SEMA4D: variants seen among roughly 807,000 people sequenced by gnomAD.
SEMA4D encodes semaphorin-4D.
A neutral mutation model predicts 74.8 loss-of-function variants in SEMA4D; 22 were observed. That is an observed-to-expected ratio of 0.29 (90% CI 0.21 to 0.42). SEMA4D has a LOEUF of 0.42. SEMA4D is among the 10% of genes least tolerant of loss of function. The pLI is 1.00. For missense variants in SEMA4D, 937 were observed against 1,118.4 expected, an observed-to-expected ratio of 0.84 and a Z score of 2.31; for synonymous variants, 445 against 463.7, an observed-to-expected ratio of 0.96 and a Z score of 0.52.
chr9:89,375,495 T>C (rs531387939), downstream of SEMA4D, among the ~76,000 whole-genome samples: 3 of 152,322 alleles, frequency 2.0e-5, no homozygotes, highest in African/African-American at 7.2e-5. Flanking sequence ...CACCTGGGGC[T>C]CTCAGAGCTT....
At chr9:89,471,504 A>ACAT (rs1294596698) in intron 1 of SEMA4D, among the ~76,000 whole-genome samples, 1 of 152,342 alleles carries the variant, frequency 6.6e-6, no homozygotes, top group South Asian at 2.1e-4. Flanking sequence ...TCTCCAGATA[A>ACAT]CATCACTGTC....
intron 1 of SEMA4D, chr9:89,472,138 TAAAA>T: frequency 5.5e-6 from 1 of 182,466 alleles, no homozygotes; most frequent in Non-Finnish European, 1.1e-5. Context: ...CTTCTGACTT[TAAAA>T]GAGTCATGCT....
At chr9:89,365,830 G>A (rs1386479783) in intron 16 of SEMA4D, among the ~76,000 whole-genome samples, 2 of 152,184 alleles carry the variant, frequency 1.3e-5, no homozygotes, top group East Asian at 1.9e-4. Flanking sequence ...GGCACATGCT[G>A]GACTTTTGAA....
At chr9:89,486,317 T>C (rs1383566914) in intron 1 of SEMA4D, among the ~76,000 whole-genome samples, 1 of 152,120 alleles carries the variant, frequency 6.6e-6, no homozygotes, top group East Asian at 1.9e-4. Context: ...GGTTGCTAGG[T>C]CTGGGGAAAG....
intron 11 of SEMA4D, 116 bp from the exon 12 acceptor site, chr9:89,387,724 G>A: frequency 2.5e-6 from 2 of 785,918 alleles, no homozygotes; most frequent in Non-Finnish European, 4.3e-6. Flanking sequence ...CACAATGCAT[G>A]CCTTGAAATG....
chr9:89,410,953 C>G (rs960443846), intron 2 of SEMA4D, among the ~76,000 whole-genome samples: 2 of 152,220 alleles, frequency 1.3e-5, no homozygotes, highest in African/African-American at 2.4e-5. Context: ...AACACTGCTT[C>G]AAACCTACAA....
At position 89,378,629 on chromosome 9, in the gene SEMA4D, G is replaced by C; in HGVS notation, c.*75C>G. 1.7e-6 allele frequency: 2 copies of C among 1,168,738 alleles called. No homozygotes were observed. The highest frequency in any genetic ancestry group is 2.5e-6 in the Non-Finnish European group (2 of 796,098). 72.4% of individuals were successfully genotyped at this position (1,168,738 alleles called of 1,614,324 possible). ...CAGCACTGCACGAGACTCGGATACT[G>C]AACAGGAGAAACACAAAACTCTCCA... is the stretch of plus-strand genomic sequence containing the variant. On this transcript the variant is annotated 3_prime_UTR_variant, in exon 16 of 16. Coordinates refer to ENST00000422704, the MANE Select transcript of SEMA4D (RefSeq NM_001371194.2).
In SEMA4D at chr9:89,381,043, G is replaced by A. The variant is rs1192819096; in HGVS notation, c.1663+12C>T. The A allele has an allele frequency of 2.5e-6, 4 of 1,613,948 alleles. No individual in the cohort carries two copies. Among genetic ancestry groups the A allele is most frequent in the Non-Finnish European group, 3.4e-6 (4 of 1,180,030 alleles). On this transcript the variant is annotated intron_variant, in intron 15 of 15. Transcript: ENST00000422704. This position sits in a 1 kb window ranked among gnomAD's most constrained non-coding sequence, Gnocchi z 4.6. Reference sequence around the variant, plus strand: ...ACTCCCAAAGGAAATGGGACGTCGAGGAGTCACTCACCCGGGCACACAGAA... The same window carrying A: ...ACTCCCAAAGGAAATGGGACGTCGAAGAGTCACTCACCCGGGCACACAGAA...
At chr9:89,416,500 G>T (rs539324566) in intron 2 of SEMA4D, among the ~76,000 whole-genome samples, 39 of 152,102 alleles carry the variant, frequency 2.6e-4, no homozygotes, top group Non-Finnish European at 4.0e-4. Flanking sequence ...CAGAGGATGC[G>T]TCAGTCTACA....
chr9:89,427,819 C>T (rs1031857663), intron 2 of SEMA4D, among the ~76,000 whole-genome samples: 4 of 152,228 alleles, frequency 2.6e-5, no homozygotes, highest in Admixed American at 1.3e-4. Context: ...ATGTGTGCGA[C>T]GTGGCGGGTC....
chr9:89,460,599 C>T (rs530695099), intron 1 of SEMA4D, among the ~76,000 whole-genome samples: 1 of 152,228 alleles, frequency 6.6e-6, no homozygotes, highest in African/African-American at 2.4e-5. Context: ...ACATGTTTAA[C>T]CGAGGTTCCA....
In SEMA4D at chr9:89,388,881, G is replaced by T. The variant is rs1839173669; in HGVS notation, c.941C>A (p.Thr314Asn). 1 of 1,614,118 alleles carries T rather than the reference G, an allele frequency of 6.2e-7. No homozygotes were observed. The highest frequency in any genetic ancestry group is 8.5e-7 in the Non-Finnish European group (1 of 1,179,998). The change falls in exon 10 of 16, where the codon ACC becomes AAC. Residue 314 changes from threonine (T) to asparagine (N), a missense_variant. Physicochemically the swap from Thr to Asn is moderately conservative, Grantham distance 65. Coordinates refer to ENST00000422704, the MANE Select transcript of SEMA4D (RefSeq NM_001371194.2). ...CACCCAGGGCACTTACAGCTGTGGG[G>T]TGAAGAGTGCATAGAACACAGGCAC... is the stretch of plus-strand genomic sequence containing the variant. Reference protein sequence around the residue: ...LKVPVFYALFTPQLNNVGLSA... With the variant: ...LKVPVFYALFNPQLNNVGLSA...
At chr9:89,435,126 G>C (rs1041130079) in intron 2 of SEMA4D, among the ~76,000 whole-genome samples, 2 of 152,140 alleles carry the variant, frequency 1.3e-5, no homozygotes, top group Non-Finnish European at 1.5e-5. Context: ...GGGAGTGCAC[G>C]GGGGCTGCAC....
At chr9:89,362,269 CTGTGTTCA>C (rs1832816248) in exon 19 of SEMA4D, 2 of 1,500,616 alleles carry the variant, frequency 1.3e-6, no homozygotes, top group Non-Finnish European at 1.8e-6. Flanking sequence ...GGCCCAATGG[CTGTGTTCA>C]GAGCAGGCTT....
chr9:89,371,978 GTGTC>G (rs1178907844), intron 16 of SEMA4D, among the ~76,000 whole-genome samples: 12 of 127,924 alleles, frequency 9.4e-5, no homozygotes, highest in South Asian at 2.6e-4. Flanking sequence ...GGTGTGGTGT[GTGTC>G]TGGGGTGTGG....
At chr9:89,417,872 G>A (rs968939422) in intron 2 of SEMA4D, among the ~76,000 whole-genome samples, 1 of 152,194 alleles carries the variant, frequency 6.6e-6, no homozygotes, top group Non-Finnish European at 1.5e-5. Context: ...ATCACTGTGG[G>A]TGCCCAGCAC....
At chr9:89,427,430 C>T (rs769555417) in intron 2 of SEMA4D, among the ~76,000 whole-genome samples, 4 of 152,132 alleles carry the variant, frequency 2.6e-5, no homozygotes, top group Non-Finnish European at 5.9e-5. Context: ...CTGAGACAGC[C>T]GGGGCCTGGG....
chr9:89,445,333 T>A (rs1852569109), intron 2 of SEMA4D, among the ~76,000 whole-genome samples: 1 of 152,184 alleles, frequency 6.6e-6, no homozygotes, highest in Non-Finnish European at 1.5e-5. Flanking sequence ...TTACACTGCC[T>A]GTATGGTTTT....
At position 89,449,925 on chromosome 9, in the gene SEMA4D, C is replaced by T. The variant is rs573959163; in HGVS notation, c.-244+5963G>A. 1.3e-4 allele frequency: 186 copies of T among 1,454,206 alleles called. 1 individual carries two copies. In the African/African-American group the frequency reaches 2.1e-3, roughly 17 times the overall value. 90.1% of individuals were successfully genotyped at this position (1,454,206 alleles called of 1,614,324 possible). On this transcript the variant is annotated intron_variant, in intron 2 of 15. Transcript: ENST00000422704. The stretch of plus-strand genomic sequence containing the variant: ...GAATGGCTTCATCACTAATGTAGCT[C>T]GTACTTTTCTGACTGATGTAGCTCA...
Sources: allele counts gnomAD v4.1 joint callset (sites outside exome capture counted in the v4.1 genomes callset), GRCh38; gene constraint gnomAD v4.1.1; non-coding constraint Gnocchi (gnomAD v3.1); transcripts MANE v1.5; gene names NCBI Gene and HGNC (gene_info 2026-07-23, HGNC 2026-07-21).